LPCAT1: variants seen among roughly 807,000 people sequenced by gnomAD.
LPCAT1 encodes lysophosphatidylcholine acyltransferase 1, also known as 1-acylglycerol-3-phosphate O-acyltransferase.
LPCAT1 carries 23 observed loss-of-function variants against 60.9 expected under a neutral mutation model. That is an observed-to-expected ratio of 0.38 (90% CI 0.27 to 0.53). The LOEUF (loss-of-function observed/expected upper bound fraction) is 0.53, where lower values mean the gene tolerates loss of function less well. Among genes scored for constraint, LPCAT1 ranks in the 20% least tolerant of loss-of-function variants. The probability of loss-of-function intolerance (pLI) is 0.82; values close to 1 mark genes in which losing one functional copy is unlikely to be tolerated. For missense variants in LPCAT1, 622 were observed against 723.6 expected (o/e 0.86, Z 1.61); for synonymous variants, 340 against 301.1 (o/e 1.13, Z -1.34).
At chr5:1,486,312 G>A (rs1324873166) in intron 5 of LPCAT1, among the ~76,000 whole-genome samples, 1 of 152,150 alleles carries the variant, frequency 6.6e-6, no homozygotes. Flanking sequence ...AGAACAGGGG[G>A]ACTCAGGTGG....
intron 1 of LPCAT1, among the ~76,000 whole-genome samples, chr5:1,517,847 C>A (rs982074973): frequency 2.6e-5 from 4 of 152,232 alleles, no homozygotes. Flanking sequence ...GACAGGAGCC[C>A]CCACCCCTGG....
At chr5:1,506,344 G>A (rs369460450) in intron 1 of LPCAT1, among the ~76,000 whole-genome samples, 5 of 152,180 alleles carry the variant, frequency 3.3e-5, no homozygotes, top group African/African-American at 1.2e-4. Flanking sequence ...CACAGGAGCC[G>A]GGAGCCCTCA....
At chr5:1,468,316 C>T (rs1734523391) in intron 12 of LPCAT1, among the ~76,000 whole-genome samples, 1 of 152,242 alleles carries the variant, frequency 6.6e-6, no homozygotes, top group South Asian at 2.1e-4. Context: ...CTGAATCAAA[C>T]ATCTGCAGAC....
At chr5:1,470,616 AGT>A (rs1323380239) in intron 12 of LPCAT1, among the ~76,000 whole-genome samples, 1 of 152,216 alleles carries the variant, frequency 6.6e-6, no homozygotes, top group Non-Finnish European at 1.5e-5. Flanking sequence ...CTTTCTGATG[AGT>A]GTGGATTGCT....
Position 1,520,794 on chromosome 5 carries a change from C to T in LPCAT1, c.135+2916G>A, listed in dbSNP as rs537828573. Among the ~76,000 whole-genome samples the T allele has an allele frequency of 5.1e-5, 7 of 136,352 alleles. No individual in the cohort carries two copies. In the South Asian group the frequency reaches 1.6e-3, roughly 31 times the overall value. 89.5% of individuals were successfully genotyped at this position (136,352 alleles called of 152,430 possible). On this transcript the variant is annotated intron_variant, in intron 1 of 13. Transcript: ENST00000283415. ...AGGAGAATGGCGTGAACCCGGGAAG[C>T]AGAGCTTGTAGTGAGCCGATATCGC...
chr5:1,474,715 C>G, intron 9 of LPCAT1, 30 bp from the exon 10 acceptor site: 1 of 1,600,628 alleles, frequency 6.2e-7, no homozygotes, highest in Non-Finnish European at 8.5e-7. Context: ...CCCGTCAGCC[C>G]AGCCTCGTGG....
At chr5:1,517,868 C>G (rs7733659) in intron 1 of LPCAT1, among the ~76,000 whole-genome samples, 47,303 of 152,156 alleles carry the variant, frequency 0.31, 7,687 homozygotes, top group African/African-American at 0.4. Flanking sequence ...CAGTGCCTCC[C>G]CACACGGGGG....
chr5:1,496,229 C>T lies in LPCAT1; in HGVS notation c.279-1315G>A, dbSNP rs1451737069. On this transcript the variant is annotated intron_variant, in intron 2 of 13. Transcript: ENST00000283415. This position sits in a 1 kb window ranked among gnomAD's most constrained non-coding sequence, Gnocchi z 4.7. The stretch of plus-strand genomic sequence containing the variant: ...TACAAAAATTAGCTGGGCATGGTGG[C>T]AGGCGTCTGTAATCCCAGCCACTCA... 1.3e-5 allele frequency among the ~76,000 whole-genome samples: 2 copies of T among 152,018 alleles called. No individual in the cohort carries two copies. The highest frequency in any genetic ancestry group is 2.9e-5 in the Non-Finnish European group (2 of 68,002).
intron 4 of LPCAT1, among the ~76,000 whole-genome samples, chr5:1,488,731 T>G (rs972079046): frequency 6.6e-6 from 1 of 152,208 alleles, no homozygotes; most frequent in African/African-American, 2.4e-5. Context: ...GGTGCCCACC[T>G]CTCAGACACT....
At chr5:1,490,562 TCTG>T (rs1200974450) in intron 3 of LPCAT1, among the ~76,000 whole-genome samples, 5 of 152,218 alleles carry the variant, frequency 3.3e-5, no homozygotes, top group Admixed American at 1.3e-4. Flanking sequence ...TTCTGGCACT[TCTG>T]CTTTTAGACG....
rs184923621 is a variant in LPCAT1 at position 1,469,800 on chromosome 5, A to C, written c.1278+1026T>G. Among the ~76,000 whole-genome samples the C allele has an allele frequency of 5.5e-4, 84 of 152,192 alleles. 1 individual carries two copies. The highest frequency in any genetic ancestry group is 1.5e-3 in the East Asian group (8 of 5,172). On this transcript the variant is annotated intron_variant, in intron 12 of 13. Transcript: ENST00000283415. ...CATCTCACAAAAATTAAAAAAAAAAAAACAACAGGGCACAGTGAAAGCAGG... is the reference window on the plus strand; with the variant it reads ...CATCTCACAAAAATTAAAAAAAAAACAACAACAGGGCACAGTGAAAGCAGG...
intron 12 of LPCAT1, among the ~76,000 whole-genome samples, chr5:1,470,155 G>A (rs1188731539): frequency 7.2e-5 from 11 of 152,248 alleles, no homozygotes; most frequent in Admixed American, 7.2e-4. Flanking sequence ...GAGAAGCCTT[G>A]GTAAAGTTGT....
intron 12 of LPCAT1, 174 bp from the exon 13 acceptor site, chr5:1,467,064 C>G (rs1406653776): frequency 1.7e-6 from 1 of 575,960 alleles, no homozygotes; most frequent in African/African-American, 1.9e-5. Context: ...CAGCAGGGCC[C>G]TGTGCCTTGG....
intron 1 of LPCAT1, among the ~76,000 whole-genome samples, chr5:1,516,397 G>A (rs1215734392): frequency 6.6e-6 from 1 of 152,132 alleles, no homozygotes. Context: ...CAGAAAGGTG[G>A]ATCTAACCCC....
chr5:1,462,821 C>A lies in LPCAT1; in HGVS notation c.*830G>T, dbSNP rs1349230298. Reference sequence around the variant, plus strand: ...TTACGTTATGCCGAAACAGAAACATCAAACTGCCAACGTTTATAAAAAAAG... The same window carrying A: ...TTACGTTATGCCGAAACAGAAACATAAAACTGCCAACGTTTATAAAAAAAG... On this transcript the variant is annotated 3_prime_UTR_variant, in exon 14 of 14. Coordinates refer to ENST00000283415, the MANE Select transcript of LPCAT1 (RefSeq NM_024830.5). 6.6e-6 allele frequency: 1 copy of A among 152,116 alleles called. No individual in the cohort carries two copies. The highest frequency in any genetic ancestry group is 1.5e-5 in the Non-Finnish European group (1 of 68,028). The allele number at this position is 152,116 out of a possible 1,614,324, so 9.4% of individuals were successfully genotyped here.
In LPCAT1 at chr5:1,496,205, AC is replaced by A. The variant is rs1157958207; in HGVS notation, c.279-1292del. Among the ~76,000 whole-genome samples the A allele has an allele frequency of 6.6e-6, 1 of 152,104 alleles. No homozygotes were observed. Among genetic ancestry groups the A allele is most frequent in the African/African-American group, 2.4e-5 (1 of 41,410 alleles). On this transcript the variant is annotated intron_variant, in intron 2 of 13. Transcript: ENST00000283415. The surrounding 1 kb of genome is among the most constrained non-coding windows in gnomAD (Gnocchi z 4.7). The stretch of plus-strand genomic sequence containing the variant: ...GTGAAACCCTGTCTCTACTAAAAAT[AC>A]AAAAATTAGCTGGGCATGGTGGCAG...
At chr5:1,464,316 C>A (rs553315614) in intron 13 of LPCAT1, among the ~76,000 whole-genome samples, 1 of 152,254 alleles carries the variant, frequency 6.6e-6, no homozygotes, top group South Asian at 2.1e-4. Flanking sequence ...CTCATGTGAG[C>A]GCCCTCGGCT....
intron 12 of LPCAT1, among the ~76,000 whole-genome samples, chr5:1,469,392 T>C (rs1443894596): frequency 6.6e-6 from 1 of 152,178 alleles, no homozygotes; most frequent in African/African-American, 2.4e-5. Context: ...CCACAGCCCA[T>C]TGTTCATGTT....
At chr5:1,500,076 C>T (rs1027716015) in intron 2 of LPCAT1, among the ~76,000 whole-genome samples, 4 of 152,360 alleles carry the variant, frequency 2.6e-5, no homozygotes, top group African/African-American at 7.2e-5. Flanking sequence ...CTGAACATCA[C>T]GCAGGCCAGC....
Sources: gnomAD v4.1 joint callset for allele counts (sites outside exome capture counted in the v4.1 genomes callset) on GRCh38, gnomAD v4.1.1 for gene constraint, Gnocchi (gnomAD v3.1) non-coding constraint, MANE v1.5 for transcripts, NCBI Gene and HGNC (gene_info 2026-07-23, HGNC 2026-07-21) for gene names.